MIA2: variants seen among roughly 807,000 people sequenced by gnomAD.
MIA2 encodes MIA SH3 domain ER export factor 2, also known as melanoma inhibitory activity protein 2.
In MIA2, 127 loss-of-function variants were observed where a neutral mutation model predicts 167.8. The observed-to-expected ratio is 0.76, with a 90% confidence interval of 0.66 to 0.88. The LOEUF is 0.88. Among genes scored for constraint, MIA2 ranks in the 40% least tolerant of loss-of-function variants. MIA2 has a pLI of 0.00. For missense variants in MIA2, 1,690 were observed against 1,624.7 expected (o/e 1.04, Z -0.69); for synonymous variants, 552 against 541.9 (o/e 1.02, Z -0.26).
Position 39,247,939 on chromosome 14 carries a change from A to G in MIA2, c.1365A>G (p.Pro455=). ...SEKTDESDTI[P]YLKKFLYNFD... ...AAACAGACGAATCTGATACTATACC[A>G]TATTTGAAAAAGTTCTTGTATAATT... Residue 455 remains proline (P), a synonymous_variant, in exon 4 of 29, where the codon CCA becomes CCG. Coordinates refer to ENST00000640607, the MANE Select transcript of MIA2 (RefSeq NM_001329214.4). 1.9e-6 allele frequency: 3 copies of G among 1,598,634 alleles called. No individual in the cohort carries two copies. The highest frequency in any genetic ancestry group is 2.2e-5 in the East Asian group (1 of 44,726).
intron 6 of MIA2, among the ~76,000 whole-genome samples, chr14:39,275,139 T>TTGTG (rs67380839): frequency 0.031 from 3,969 of 126,698 alleles, 139 homozygotes; most frequent in African/African-American, 0.084. Flanking sequence ...CCTTAATCCT[T>TTGTG]TGTGTGTGTG....
intron 6 of MIA2, among the ~76,000 whole-genome samples, chr14:39,273,912 G>C (rs916869020): frequency 6.6e-6 from 1 of 152,148 alleles, no homozygotes; most frequent in Non-Finnish European, 1.5e-5. Flanking sequence ...TGGTGTTAAT[G>C]TTTTATCTTG....
chr14:39,325,366 ATTT>A (rs1203450043), intron 24 of MIA2, among the ~76,000 whole-genome samples: 2 of 136,978 alleles, frequency 1.5e-5, no homozygotes, highest in Non-Finnish European at 1.6e-5. Context: ...TGAATGTTAA[ATTT>A]TTTTTTTTTT....
At chr14:39,298,413 TTATATATA>T (rs71130838) in intron 13 of MIA2, among the ~76,000 whole-genome samples, 1 of 26,138 alleles carries the variant, frequency 3.8e-5, no homozygotes, top group Non-Finnish European at 8.1e-5. Flanking sequence ...TGATTCTGTT[TTATATATA>T]TATATATATA....
At chr14:39,321,882 T>A (rs959145337) in intron 24 of MIA2, among the ~76,000 whole-genome samples, 5 of 151,960 alleles carry the variant, frequency 3.3e-5, no homozygotes, top group Admixed American at 6.6e-5. Flanking sequence ...TGCCTCAGCC[T>A]CCTGAGTAGC....
intron 23 of MIA2, among the ~76,000 whole-genome samples, chr14:39,380,725 G>A (rs1234624869): frequency 2.0e-5 from 3 of 147,294 alleles, no homozygotes; most frequent in African/African-American, 5.0e-5. Context: ...TCGATGCCAA[G>A]TCAAACATAA....
intron 6 of MIA2, among the ~76,000 whole-genome samples, chr14:39,259,209 C>G (rs188255172): frequency 6.6e-6 from 1 of 152,214 alleles, no homozygotes; most frequent in Non-Finnish European, 1.5e-5. Context: ...CGCCCCTTCC[C>G]CCAGGTGCTC....
At chr14:39,376,224 G>GA (rs1403443793) in intron 23 of MIA2, among the ~76,000 whole-genome samples, 6 of 152,156 alleles carry the variant, frequency 3.9e-5, no homozygotes, top group African/African-American at 1.4e-4. Flanking sequence ...AAAGTGCTGG[G>GA]ATTACAGGAG....
chr14:39,294,855 G>T, intron 12 of MIA2, 70 bp from the exon 13 acceptor site: 1 of 984,654 alleles, frequency 1.0e-6, no homozygotes, highest in Non-Finnish European at 1.6e-6. Context: ...TGTGTTCTAG[G>T]GAGTATGTGT....
chr14:39,331,616 A>G (rs2068895735), intron 25 of MIA2, among the ~76,000 whole-genome samples: 2 of 152,072 alleles, frequency 1.3e-5, no homozygotes, highest in Admixed American at 6.6e-5. Context: ...TTCCATATTT[A>G]GTGCTTCCTT....
chr14:39,259,951 A>G (rs1482135659), intron 6 of MIA2, among the ~76,000 whole-genome samples: 5 of 152,102 alleles, frequency 3.3e-5, no homozygotes, highest in African/African-American at 1.2e-4. Context: ...GAGTGAGAAC[A>G]TGCGGTGTTT....
chr14:39,267,442 G>T (rs745869917), intron 6 of MIA2: 1 of 1,611,954 alleles, frequency 6.2e-7, no homozygotes, highest in South Asian at 1.1e-5. Flanking sequence ...TGGCGACCAC[G>T]AGAGCAGCTT....
chr14:39,329,504 G>A (rs531329376), intron 25 of MIA2, among the ~76,000 whole-genome samples: 6 of 152,134 alleles, frequency 3.9e-5, no homozygotes, highest in African/African-American at 7.2e-5. Context: ...TGTTGAATAG[G>A]GGTGGTGAGA....
At position 39,267,311 on chromosome 14, in the gene MIA2, G is replaced by A. The variant is rs1046103532; in HGVS notation, c.1888-9623G>A. 3 of 1,489,736 alleles carry A rather than the reference G, an allele frequency of 2.0e-6. No individual in the cohort carries two copies. The East Asian group carries it at 7.4e-5, about 37-fold the overall frequency. 92.3% of individuals were successfully genotyped at this position (1,489,736 alleles called of 1,614,324 possible). On this transcript the variant is annotated intron_variant, in intron 6 of 28. Coordinates refer to ENST00000640607, the MANE Select transcript of MIA2 (RefSeq NM_001329214.4). Reference sequence around the variant, plus strand: ...GGCCTGCGGGTGCCCCTGTCCCCCAGCTCCCCCCGCAGCCGGCTCCGCAGT... The same window carrying A: ...GGCCTGCGGGTGCCCCTGTCCCCCAACTCCCCCCGCAGCCGGCTCCGCAGT...
At chr14:39,270,722 A>G (rs756061561) in intron 6 of MIA2, among the ~76,000 whole-genome samples, 4 of 152,052 alleles carry the variant, frequency 2.6e-5, no homozygotes, top group South Asian at 2.1e-4. Context: ...GTATTTTCCT[A>G]GTAACTAATG....
chr14:39,331,234 C>A (rs147306086), intron 25 of MIA2, among the ~76,000 whole-genome samples: 182 of 152,132 alleles, frequency 1.2e-3, no homozygotes, highest in African/African-American at 4.0e-3. Context: ...ACTTTTTGAT[C>A]TTTGTTGGTT....
intron 23 of MIA2, among the ~76,000 whole-genome samples, chr14:39,365,011 T>C (rs909961734): frequency 6.6e-6 from 1 of 152,146 alleles, no homozygotes; most frequent in Non-Finnish European, 1.5e-5. Flanking sequence ...GTGAGAACTT[T>C]TCAGCTATTA....
rs150887736 is a variant in MIA2, at chr14:39,337,359, C to T, written c.3656-8545C>T. ...ATTGGAGACTTCAACACCCCTCTCT[C>T]GGCAATTGATGGAACAACTGAAGAG... On this transcript the variant is annotated intron_variant, in intron 25 of 28. Transcript: ENST00000640607. 2.9e-3 allele frequency among the ~76,000 whole-genome samples: 437 copies of T among 152,220 alleles called. 2 individuals carry two copies. The highest frequency in any genetic ancestry group is 9.6e-3 in the African/African-American group (400 of 41,536).
rs747646747 is a variant in MIA2, at chr14:39,320,928, A to C, written c.3368A>C (p.Glu1123Ala). ...LDVPNTAFGREHSPYGPSPLG... is the reference protein window; with the variant it reads ...LDVPNTAFGRAHSPYGPSPLG... ...AAATATGCTGTTTTAATTATTCCAG[A>C]GCATTCCCCATATGGTCCCTCACCA... Residue 1123 changes from glutamate to alanine, a missense_variant and splice_region_variant, in exon 24 of 29, where the codon GAG becomes GCG. By Grantham distance (107) the Glu-to-Ala change is moderately radical (BLOSUM62 -1). Transcript: ENST00000640607. 2 of 1,612,304 alleles carry C rather than the reference A, an allele frequency of 1.2e-6. No homozygotes were observed. Among genetic ancestry groups the C allele is most frequent in the African/African-American group, 1.3e-5 (1 of 74,900 alleles).
Sources: gnomAD v4.1 joint callset for allele counts (sites outside exome capture counted in the v4.1 genomes callset) on GRCh38, gnomAD v4.1.1 for gene constraint, MANE v1.5 for transcripts, NCBI Gene and HGNC (gene_info 2026-07-23, HGNC 2026-07-21) for gene names.